Variants in CYYR1 observed in about 807,000 individuals in gnomAD.
CYYR1 encodes cysteine and tyrosine-rich protein 1.
Under a neutral mutation model 15.2 loss-of-function variants are expected in CYYR1, and 14 were observed. The observed-to-expected ratio is 0.92, with a 90% CI of 0.61 to 1.44. The LOEUF (loss-of-function observed/expected upper bound fraction) is 1.44, where lower values mean the gene tolerates loss of function less well. CYYR1 is among the 40% of genes most tolerant of loss of function. The pLI is 0.00. For missense variants in CYYR1, 228 were observed against 209.5 expected (o/e 1.09, Z -0.54); for synonymous variants, 80 against 77.4 (o/e 1.03, Z -0.18).
chr21:26,488,157 G>C (rs1339825918), intron 2 of CYYR1, among the ~76,000 whole-genome samples: 1 of 152,024 alleles, frequency 6.6e-6, no homozygotes, highest in Non-Finnish European at 1.5e-5. Context: ...AGAGACAATT[G>C]TGTAACCCAA....
intron 2 of CYYR1, among the ~76,000 whole-genome samples, chr21:26,481,665 T>C (rs1324062617): frequency 6.6e-6 from 1 of 152,128 alleles, no homozygotes; most frequent in East Asian, 1.9e-4. Flanking sequence ...GTCTTTTCTA[T>C]TGTGAACAGT....
rs190192494 is a variant in CYYR1, at chr21:26,527,527, A to G, written c.176+38739T>C. Among the ~76,000 whole-genome samples the G allele has an allele frequency of 8.4e-4, 128 of 152,340 alleles. 3 individuals are homozygous for G. Among genetic ancestry groups the G allele is most frequent in the Admixed American group, 8.2e-3 (125 of 15,300 alleles). ...TTTTTCCTGAATTTAGAAATTTTTC[A>G]TTATATGGACAATTATTATTGAAAA... On this transcript the variant is annotated intron_variant, in intron 2 of 3. Transcript: ENST00000652641.
intron 3 of CYYR1, among the ~76,000 whole-genome samples, chr21:26,479,960 C>A (rs2065152480): frequency 6.6e-6 from 1 of 152,212 alleles, no homozygotes; most frequent in African/African-American, 2.4e-5. Context: ...TTATAAATTA[C>A]TTGTCAGTAC....
chr21:26,514,861 C>A (rs1436842012), intron 2 of CYYR1, among the ~76,000 whole-genome samples: 1 of 152,224 alleles, frequency 6.6e-6, no homozygotes, highest in African/African-American at 2.4e-5. Context: ...GACATGAGAT[C>A]TGAAGGCAGG....
intron 2 of CYYR1, among the ~76,000 whole-genome samples, chr21:26,509,364 T>C (rs1343608962): frequency 6.6e-6 from 1 of 152,246 alleles, no homozygotes. Context: ...TGAGTTAAAA[T>C]TGTGGCACCT....
chr21:26,572,804 C>A, intron 1 of CYYR1, 64 bp downstream of exon 1: 2 of 1,590,272 alleles, frequency 1.3e-6, no homozygotes, highest in Non-Finnish European at 1.7e-6. Context: ...CCCACGTTAG[C>A]CCGGACCGTG....
chr21:26,492,466 C>T (rs2065341657), intron 2 of CYYR1, among the ~76,000 whole-genome samples: 2 of 152,164 alleles, frequency 1.3e-5, no homozygotes, highest in Admixed American at 1.3e-4. Context: ...ATGACACAGA[C>T]ATTCACACAC....
chr21:26,500,409 G>C (rs981972636), intron 2 of CYYR1, among the ~76,000 whole-genome samples: 1 of 152,154 alleles, frequency 6.6e-6, no homozygotes, highest in Non-Finnish European at 1.5e-5. Context: ...AGGGCAATGG[G>C]CCACAATAGG....
At chr21:26,488,240 A>ACTTACTTACTTACTTC (rs1555904365) in intron 2 of CYYR1, among the ~76,000 whole-genome samples, 2 of 139,320 alleles carry the variant, frequency 1.4e-5, no homozygotes, top group African/African-American at 2.7e-5. Context: ...ATCTTCCCCT[A>ACTTACTTACTTACTTC]CTTCCTTCCT....
intron 2 of CYYR1, among the ~76,000 whole-genome samples, chr21:26,486,170 G>A (rs896100639): frequency 6.6e-6 from 1 of 152,026 alleles, no homozygotes; most frequent in Non-Finnish European, 1.5e-5. Context: ...AATTATTTGA[G>A]TCCTTTACAA....
intron 2 of CYYR1, among the ~76,000 whole-genome samples, chr21:26,510,186 G>A (rs2065627686): frequency 6.6e-6 from 1 of 152,202 alleles, no homozygotes; most frequent in Non-Finnish European, 1.5e-5. Flanking sequence ...ATTTCCAAAT[G>A]TAGGCAACCG....
chr21:26,501,634 C>G lies in CYYR1; in HGVS notation c.177-21205G>C, dbSNP rs951089654. Among the ~76,000 whole-genome samples, 74 of 152,158 alleles carry G rather than the reference C, an allele frequency of 4.9e-4. 1 individual carries two copies. Among genetic ancestry groups the G allele is most frequent in the Non-Finnish European group, 4.4e-5 (3 of 68,016 alleles). ...TGTTCACAAGGACCTTCTTTTCCCC[C>G]TTGGTTCACCACTTAATCTTTTGGT... On this transcript the variant is annotated intron_variant, in intron 2 of 3. Coordinates refer to ENST00000652641, the MANE Select transcript of CYYR1 (RefSeq NM_001320768.2).
At chr21:26,520,233 C>T (rs1487831464) in intron 2 of CYYR1, among the ~76,000 whole-genome samples, 1 of 150,982 alleles carries the variant, frequency 6.6e-6, no homozygotes, top group Non-Finnish European at 1.5e-5. Flanking sequence ...TCCCCTCAAC[C>T]CCTACCCCCC....
chr21:26,488,028 C>A (rs1284750699), intron 2 of CYYR1, among the ~76,000 whole-genome samples: 5 of 150,482 alleles, frequency 3.3e-5, no homozygotes, highest in Non-Finnish European at 7.4e-5. Context: ...CTCAATATAT[C>A]CTCTTTCTTG....
At chr21:26,501,373 C>T (rs1011537490) in intron 2 of CYYR1, among the ~76,000 whole-genome samples, 70 of 152,170 alleles carry the variant, frequency 4.6e-4, no homozygotes, top group African/African-American at 1.5e-3. Context: ...ATGGAAAAGG[C>T]CTGTTCTGAA....
chr21:26,489,938 C>A (rs147674282), intron 2 of CYYR1, among the ~76,000 whole-genome samples: 52 of 152,184 alleles, frequency 3.4e-4, no homozygotes, highest in Middle Eastern at 6.8e-3. Context: ...TTTGATTTAT[C>A]CCTCAGTCAT....
chr21:26,490,772 C>G (rs2065316587), intron 2 of CYYR1, among the ~76,000 whole-genome samples: 1 of 152,178 alleles, frequency 6.6e-6, no homozygotes, highest in South Asian at 2.1e-4. Flanking sequence ...CTAATTTCCA[C>G]CACGGAGCTG....
chr21:26,559,469 T>A (rs1441320444), intron 2 of CYYR1, among the ~76,000 whole-genome samples: 1 of 152,198 alleles, frequency 6.6e-6, no homozygotes, highest in Non-Finnish European at 1.5e-5. Context: ...TTTTAAAGTG[T>A]ACAGTTCGGT....
chr21:26,572,097 C>A (rs951489553), intron 1 of CYYR1, among the ~76,000 whole-genome samples: 1 of 152,114 alleles, frequency 6.6e-6, no homozygotes, highest in African/African-American at 2.4e-5. Flanking sequence ...TGTCATAGGA[C>A]GTTAGAGACA....
Sources: allele counts gnomAD v4.1 joint callset (sites outside exome capture counted in the v4.1 genomes callset), GRCh38; gene constraint gnomAD v4.1.1; transcripts MANE v1.5; gene names NCBI Gene and HGNC (gene_info 2026-07-23, HGNC 2026-07-21).